Variants in STK3 observed in about 807,000 individuals in gnomAD.
The protein encoded by STK3 is serine/threonine-protein kinase 3.
STK3 carries 41 observed loss-of-function variants against 58.0 expected under a neutral mutation model. The observed-to-expected ratio is 0.71, with a 90% CI of 0.55 to 0.92. The LOEUF is 0.92. Among genes scored for constraint, STK3 ranks in the 40% least tolerant of loss-of-function variants. The pLI, the probability that STK3 is intolerant of heterozygous loss-of-function variation, is 0.00. For missense variants in STK3, 479 were observed against 602.7 expected, an observed-to-expected ratio of 0.79 and a Z score of 2.15; for synonymous variants, 170 against 191.0, an observed-to-expected ratio of 0.89 and a Z score of 0.91.
chr8:98,647,149 T>C (rs968961317), intron 6 of STK3, among the ~76,000 whole-genome samples: 3 of 152,124 alleles, frequency 2.0e-5, no homozygotes, highest in African/African-American at 7.2e-5. Context: ...ACAAAAGGGC[T>C]TTCCATTGAC....
chr8:98,847,572 C>T (rs1836257522), intron 3 of STK3, among the ~76,000 whole-genome samples: 2 of 152,142 alleles, frequency 1.3e-5, no homozygotes, highest in Admixed American at 6.5e-5. Flanking sequence ...CTTTCTCAGA[C>T]CACATCCCAG....
chr8:98,847,298 T>G (rs1314608986), intron 3 of STK3, among the ~76,000 whole-genome samples: 1 of 152,172 alleles, frequency 6.6e-6, no homozygotes, highest in Non-Finnish European at 1.5e-5. Flanking sequence ...CAATTTCCAG[T>G]GGCCACCATT....
chr8:98,810,507 A>G (rs1834150967), intron 1 of STK3, among the ~76,000 whole-genome samples: 2 of 151,616 alleles, frequency 1.3e-5, no homozygotes, highest in South Asian at 2.1e-4. Flanking sequence ...TTTCCATTGC[A>G]TTTCCCTGAT....
chr8:98,789,203 T>C (rs1832653364), intron 1 of STK3, among the ~76,000 whole-genome samples: 1 of 152,176 alleles, frequency 6.6e-6, no homozygotes, highest in Non-Finnish European at 1.5e-5. Flanking sequence ...TTAAAAATTC[T>C]TCGAACTGAA....
intron 3 of STK3, among the ~76,000 whole-genome samples, chr8:98,837,443 G>A (rs1835789240): frequency 6.6e-6 from 1 of 151,638 alleles, no homozygotes; most frequent in Admixed American, 6.6e-5. Flanking sequence ...TAGTTACAAG[G>A]AGAAAAAACG....
At chr8:98,745,391 C>A (rs965091231) in intron 4 of STK3, among the ~76,000 whole-genome samples, 1 of 152,046 alleles carries the variant, frequency 6.6e-6, no homozygotes, top group Non-Finnish European at 1.5e-5. Context: ...AACAGAACTG[C>A]TAATAACAAA....
chr8:98,678,627 G>T (rs955665913), intron 6 of STK3, among the ~76,000 whole-genome samples: 1 of 152,090 alleles, frequency 6.6e-6, no homozygotes, highest in Non-Finnish European at 1.5e-5. Flanking sequence ...ATATGGGAAA[G>T]TGATCAAGAT....
chr8:98,559,727 G>A (rs570134509), intron 8 of STK3, among the ~76,000 whole-genome samples: 107 of 152,024 alleles, frequency 7.0e-4, no homozygotes, highest in Non-Finnish European at 1.2e-3. Context: ...ACAGAAATAC[G>A]CCTTGGAGAG....
intron 9 of STK3, among the ~76,000 whole-genome samples, chr8:98,527,647 C>A (rs977129949): frequency 6.6e-6 from 1 of 151,932 alleles, no homozygotes; most frequent in African/African-American, 2.4e-5. Flanking sequence ...ATATGAAATA[C>A]ATAAACTTTA....
At chr8:98,697,078 A>T (rs1024245127) in intron 6 of STK3, among the ~76,000 whole-genome samples, 1 of 152,136 alleles carries the variant, frequency 6.6e-6, no homozygotes, top group African/African-American at 2.4e-5. Flanking sequence ...TTCCTGGTTT[A>T]ATCTTGGGAG....
chr8:98,455,798 T>C lies in STK3; in HGVS notation c.*44A>G. 1.9e-6 allele frequency: 3 copies of C among 1,605,458 alleles called. No individual in the cohort carries two copies. The highest frequency in any genetic ancestry group is 2.6e-6 in the Non-Finnish European group (3 of 1,175,982). On this transcript the variant is annotated 3_prime_UTR_variant, in exon 11 of 11. Coordinates refer to ENST00000419617, the MANE Select transcript of STK3 (RefSeq NM_006281.4). ...CAAATATTCCTTCAATTCCTAGTGGTTTCTTGGTCTCCAGAATAGTTAAAA... is the reference window on the plus strand; with the variant it reads ...CAAATATTCCTTCAATTCCTAGTGGCTTCTTGGTCTCCAGAATAGTTAAAA...
Position 98,706,500 on chromosome 8 carries a change from TC to T in STK3, c.650del (p.Gly217GlufsTer11). On this transcript the variant is annotated frameshift_variant, in exon 6 of 11. Coordinates refer to ENST00000419617, the MANE Select transcript of STK3 (RefSeq NM_006281.4). LOFTEE classifies it high-confidence loss of function. ...LGITSIEMAE[G>X]KPPYADIHPM... Reference sequence around the variant, plus strand: ...GATGTATATCAGCATAAGGAGGTTTTCCTTCAGCCATTTCTATAGAAGTAAT... The same window carrying T: ...GATGTATATCAGCATAAGGAGGTTTTCTTCAGCCATTTCTATAGAAGTAAT... The T allele has an allele frequency of 6.2e-7, 1 of 1,613,618 alleles. No homozygotes were observed. Among genetic ancestry groups the T allele is most frequent in the Non-Finnish European group, 8.5e-7 (1 of 1,179,792 alleles).
chr8:98,545,402 T>C lies in STK3; in HGVS notation c.1141+2567A>G, dbSNP rs116990216. The stretch of plus-strand genomic sequence containing the variant: ...GAGCGGGAGGGTAAAAGTAATGCCA[T>C]CATTGCTAAAAACAGGTTTAGAAAG... On this transcript the variant is annotated intron_variant, in intron 9 of 10. Coordinates refer to ENST00000419617, the MANE Select transcript of STK3 (RefSeq NM_006281.4). Among the ~76,000 whole-genome samples, 1,438 of 152,242 alleles carry C rather than the reference T, an allele frequency of 9.4e-3. 8 individuals are homozygous for C. The highest frequency in any genetic ancestry group is 0.015 in the Non-Finnish European group (1,012 of 67,988).
intron 3 of STK3, among the ~76,000 whole-genome samples, chr8:98,424,210 A>C (rs898671255): frequency 1.3e-5 from 2 of 152,262 alleles, no homozygotes; most frequent in Non-Finnish European, 2.9e-5. Context: ...CAGCCTTTCC[A>C]ATAAATAACT....
At chr8:98,434,709 A>G (rs534563999) in intron 2 of STK3, among the ~76,000 whole-genome samples, 19 of 152,326 alleles carry the variant, frequency 1.2e-4, no homozygotes, top group African/African-American at 4.6e-4. Context: ...GGGGAAAGAG[A>G]TACAAGAGAA....
chr8:98,474,351 T>C (rs1011614704), intron 10 of STK3, among the ~76,000 whole-genome samples: 2 of 152,176 alleles, frequency 1.3e-5, no homozygotes, highest in Non-Finnish European at 2.9e-5. Flanking sequence ...CGGAAATGGC[T>C]CTTTCTTGCA....
intron 1 of STK3, among the ~76,000 whole-genome samples, chr8:98,807,825 G>T (rs1224754212): frequency 1.3e-5 from 2 of 152,182 alleles, no homozygotes; most frequent in Non-Finnish European, 2.9e-5. Flanking sequence ...GAATCAAAAT[G>T]CCAGAGAAAA....
chr8:98,911,053 G>A (rs1175895071), intron 1 of STK3, among the ~76,000 whole-genome samples: 1 of 152,194 alleles, frequency 6.6e-6, no homozygotes, highest in Non-Finnish European at 1.5e-5. Context: ...AGAAACACAT[G>A]CTGGAAAAAG....
chr8:98,547,831 C>CT (rs1586832140), intron 9 of STK3, 138 bp downstream of exon 9: 2 of 691,594 alleles, frequency 2.9e-6, no homozygotes, highest in Non-Finnish European at 4.2e-6. Flanking sequence ...GTGCCATACT[C>CT]TTTTTTACTG....
Sources: allele counts gnomAD v4.1 joint callset (sites outside exome capture counted in the v4.1 genomes callset), GRCh38; gene constraint gnomAD v4.1.1; transcripts MANE v1.5; gene names NCBI Gene and HGNC (gene_info 2026-07-23, HGNC 2026-07-21).